TBC1D5: variants seen among roughly 807,000 people sequenced by gnomAD.
The protein encoded by TBC1D5 is TBC1 domain family member 5.
A neutral mutation model predicts 100.3 loss-of-function variants in TBC1D5; 75 were observed. That is an observed-to-expected ratio of 0.75 (90% CI 0.62 to 0.91). The LOEUF (loss-of-function observed/expected upper bound fraction) is 0.91, where lower values mean the gene tolerates loss of function less well. Among genes scored for constraint, TBC1D5 ranks in the 40% least tolerant of loss-of-function variants. TBC1D5 has a pLI of 0.00. For synonymous variants in TBC1D5, 323 were observed against 325.6 expected (o/e 0.99, Z 0.09); for missense variants, 910 against 942.4 (o/e 0.97, Z 0.45).
chr3:17,694,312 A>G (rs548969286), intron 1 of TBC1D5, among the ~76,000 whole-genome samples: 3 of 152,352 alleles, frequency 2.0e-5, no homozygotes, highest in African/African-American at 4.8e-5. Flanking sequence ...CTAAAGGAGC[A>G]TGTTTGAACA....
intron 1 of TBC1D5, among the ~76,000 whole-genome samples, chr3:17,628,084 C>T (rs2063205026): frequency 6.6e-6 from 1 of 152,022 alleles, no homozygotes; most frequent in South Asian, 2.1e-4. Context: ...AATACACACA[C>T]TCCGCCGGGT....
chr3:17,479,649 C>G (rs2095477802), intron 3 of TBC1D5, among the ~76,000 whole-genome samples: 1 of 152,122 alleles, frequency 6.6e-6, no homozygotes, highest in Non-Finnish European at 1.5e-5. Context: ...CCAGCCTGGG[C>G]AACAGAGTGA....
At chr3:17,350,093 T>C (rs2090377698) in intron 13 of TBC1D5, among the ~76,000 whole-genome samples, 1 of 152,182 alleles carries the variant, frequency 6.6e-6, no homozygotes, top group Non-Finnish European at 1.5e-5. Context: ...AATGGCTCAT[T>C]AGACACTTAT....
Position 17,233,634 on chromosome 3 carries a change from T to C in TBC1D5, c.1588+4529A>G, listed in dbSNP as rs796699862. 34 of 1,119,788 alleles carry C rather than the reference T, an allele frequency of 3.0e-5. No homozygotes were observed. In the African/African-American group the frequency reaches 4.6e-4, roughly 15 times the overall value. The allele number at this position is 1,119,788 out of a possible 1,614,324, so 69.4% of individuals were successfully genotyped here. Reference sequence around the variant, plus strand: ...AATGGAGTTTTGGAGTAGGCAATGATAATACTGTAGGCAAAGAAAAAGAAA... The same window carrying C: ...AATGGAGTTTTGGAGTAGGCAATGACAATACTGTAGGCAAAGAAAAAGAAA... On this transcript the variant is annotated intron_variant, in intron 17 of 21. Transcript: ENST00000253692.
chr3:17,732,593 G>A (rs2076654452), intron 1 of TBC1D5, among the ~76,000 whole-genome samples: 1 of 151,346 alleles, frequency 6.6e-6, no homozygotes, highest in African/African-American at 2.4e-5. Context: ...ACAAAAATTT[G>A]CCAGGCCTGG....
intron 1 of TBC1D5, among the ~76,000 whole-genome samples, chr3:17,705,306 A>C (rs1349721568): frequency 7.4e-4 from 38 of 51,308 alleles, no homozygotes; most frequent in Admixed American, 1.5e-3. Context: ...TGACCCCCCC[A>C]CCTCCCTCCC....
At chr3:17,376,427 G>C (rs1250880129) in intron 10 of TBC1D5, 98 bp downstream of exon 10, 10 of 1,000,536 alleles carry the variant, frequency 1.0e-5, no homozygotes, top group African/African-American at 9.8e-5. Context: ...TGTACAGCTT[G>C]TAAGTACCTT....
At chr3:17,699,998 G>A (rs1189765935) in intron 1 of TBC1D5, 4 of 152,006 alleles carry the variant, frequency 2.6e-5, no homozygotes, top group Non-Finnish European at 4.4e-5. Flanking sequence ...CTCCTTCCTT[G>A]TCCACTTATG....
chr3:17,483,676 T>C (rs1466279990), intron 3 of TBC1D5, among the ~76,000 whole-genome samples: 1 of 152,154 alleles, frequency 6.6e-6, no homozygotes, highest in Non-Finnish European at 1.5e-5. Flanking sequence ...CAGAATCAAA[T>C]CATTAAAAGA....
At chr3:17,701,050 A>G (rs879545658) in intron 1 of TBC1D5, among the ~76,000 whole-genome samples, 1 of 152,194 alleles carries the variant, frequency 6.6e-6, no homozygotes, top group African/African-American at 2.4e-5. Flanking sequence ...TTGTAGCACT[A>G]TTCACAATAG....
At chr3:17,630,363 ACTT>A (rs1188860690) in intron 1 of TBC1D5, among the ~76,000 whole-genome samples, 1 of 152,164 alleles carries the variant, frequency 6.6e-6, no homozygotes, top group Non-Finnish European at 1.5e-5. Context: ...GTATGTGCTC[ACTT>A]TATGTCTCTA....
At chr3:17,524,884 A>T (rs2096111829) in intron 2 of TBC1D5, among the ~76,000 whole-genome samples, 1 of 151,922 alleles carries the variant, frequency 6.6e-6, no homozygotes, top group Non-Finnish European at 1.5e-5. Context: ...AAATACATAC[A>T]TACATAAAGG....
intron 1 of TBC1D5, among the ~76,000 whole-genome samples, chr3:17,693,508 G>A (rs990892341): frequency 2.0e-5 from 3 of 152,178 alleles, no homozygotes; most frequent in Admixed American, 6.5e-5. Context: ...ATTGAACCAC[G>A]AGGCGGCAGC....
chr3:17,691,690 G>A (rs2071184078), intron 1 of TBC1D5, among the ~76,000 whole-genome samples: 1 of 152,078 alleles, frequency 6.6e-6, no homozygotes, highest in Non-Finnish European at 1.5e-5. Flanking sequence ...GGTGGCGCAT[G>A]CCTGTAGTCC....
At chr3:17,166,707 G>A in intron 21 of TBC1D5, 60 bp downstream of exon 22, 1 of 1,552,690 alleles carries the variant, frequency 6.4e-7, no homozygotes, top group Non-Finnish European at 8.7e-7. Context: ...TAACTTTGAG[G>A]AACTTATGTG....
chr3:17,259,102 C>T (rs2078027875), intron 15 of TBC1D5, among the ~76,000 whole-genome samples: 1 of 152,094 alleles, frequency 6.6e-6, no homozygotes, highest in African/African-American at 2.4e-5. Context: ...TTAAAGTTAG[C>T]AATTTCTATG....
intron 12 of TBC1D5, among the ~76,000 whole-genome samples, chr3:17,373,246 GA>G (rs2092554716): frequency 6.6e-6 from 1 of 152,136 alleles, no homozygotes; most frequent in Non-Finnish European, 1.5e-5. Context: ...CCAAAGGCAT[GA>G]AAAACATCGA....
intron 1 of TBC1D5, among the ~76,000 whole-genome samples, chr3:17,632,956 C>A (rs1241969987): frequency 2.0e-5 from 3 of 152,046 alleles, no homozygotes; most frequent in Non-Finnish European, 2.9e-5. Context: ...TGATAATACA[C>A]CCTTTTTCCC....
At chr3:17,398,501 G>A (rs746871728) in intron 8 of TBC1D5, among the ~76,000 whole-genome samples, 12 of 152,074 alleles carry the variant, frequency 7.9e-5, no homozygotes, top group Non-Finnish European at 1.5e-4. Context: ...GCTTATGTCT[G>A]TGAAAATTTA....
Sources: allele counts gnomAD v4.1 joint callset (sites outside exome capture counted in the v4.1 genomes callset), GRCh38; gene constraint gnomAD v4.1.1; transcripts MANE v1.5; gene names NCBI Gene and HGNC (gene_info 2026-07-23, HGNC 2026-07-21).